The following ADGRV1 variants were observed in gnomAD, a reference collection of about 807,000 sequenced individuals.
ADGRV1 encodes G-protein coupled receptor 98.
A neutral mutation model predicts 596.2 loss-of-function variants in ADGRV1; 359 were observed. The observed-to-expected ratio is 0.60, with a 90% CI of 0.55 to 0.66. ADGRV1 has a LOEUF of 0.66. ADGRV1 is among the 30% of genes least tolerant of loss of function. The pLI is 0.00. For synonymous variants in ADGRV1, 2,681 were observed against 2,679.2 expected (o/e 1.00, Z -0.02); for missense variants, 7,274 against 7,575.6 (o/e 0.96, Z 1.48).
chr5:90,857,252 A>G (rs1767107502), intron 82 of ADGRV1, among the ~76,000 whole-genome samples: 2 of 152,134 alleles, frequency 1.3e-5, no homozygotes, highest in Non-Finnish European at 2.9e-5. Flanking sequence ...AAGAAATTTT[A>G]TAGAATGATG....
chr5:90,675,996 T>A (rs1773209960), intron 24 of ADGRV1, 84 bp from the exon 25 acceptor site: 4 of 1,118,668 alleles, frequency 3.6e-6, no homozygotes, highest in Non-Finnish European at 5.0e-6. Context: ...ACATTCTGAT[T>A]TTACAAATTT....
chr5:90,803,915 C>T (rs192942746), intron 71 of ADGRV1, among the ~76,000 whole-genome samples: 14 of 152,228 alleles, frequency 9.2e-5, no homozygotes, highest in Admixed American at 8.5e-4. Flanking sequence ...TACTGTATCA[C>T]CCCAAAGGGC....
At chr5:90,811,470 GT>G in intron 74 of ADGRV1, 132 bp downstream of exon 74, 1 of 846,226 alleles carries the variant, frequency 1.2e-6, no homozygotes, top group South Asian at 2.0e-5. Flanking sequence ...TTAAAGTGTT[GT>G]TTTTCTGTAG....
chr5:90,575,751 C>T (rs1168082933), intron 1 of ADGRV1, among the ~76,000 whole-genome samples: 2 of 152,236 alleles, frequency 1.3e-5, no homozygotes, highest in East Asian at 1.9e-4. Context: ...GGAAACTGTT[C>T]GGATTATTCC....
intron 1 of ADGRV1, among the ~76,000 whole-genome samples, chr5:90,607,398 C>A (rs1046016485): frequency 6.6e-6 from 1 of 152,036 alleles, no homozygotes; most frequent in Admixed American, 6.6e-5. Flanking sequence ...CCCCTGCTTA[C>A]CCCTCCAAAT....
At chr5:90,575,315 A>G (rs1044770463) in intron 1 of ADGRV1, among the ~76,000 whole-genome samples, 1 of 151,990 alleles carries the variant, frequency 6.6e-6, no homozygotes, top group Non-Finnish European at 1.5e-5. Context: ...GTGCAGTGGC[A>G]TGATCACAGC....
At chr5:90,861,966 G>T (rs564354338) in intron 82 of ADGRV1, among the ~76,000 whole-genome samples, 1 of 152,036 alleles carries the variant, frequency 6.6e-6, no homozygotes, top group Non-Finnish European at 1.5e-5. Context: ...ACTATGATGC[G>T]TTATAGTTAT....
At chr5:90,783,382 T>C in intron 66 of ADGRV1, 57 bp downstream of exon 66, 1 of 1,159,252 alleles carries the variant, frequency 8.6e-7, no homozygotes, top group South Asian at 1.3e-5. Flanking sequence ...GTGTTCAAAC[T>C]CTTACATATG....
rs969288863 is a variant in ADGRV1, at chr5:90,907,382, G to T, written c.17856+43525G>T. On this transcript the variant is annotated intron_variant, in intron 83 of 89. Coordinates refer to ENST00000405460, the MANE Select transcript of ADGRV1 (RefSeq NM_032119.4). Reference sequence around the variant, plus strand: ...TGTCCAGCAAACCAGATAAAAATCTGCTAATTTGCTACTTAAAAATTGGCA... The same window carrying T: ...TGTCCAGCAAACCAGATAAAAATCTTCTAATTTGCTACTTAAAAATTGGCA... 2.0e-5 allele frequency among the ~76,000 whole-genome samples: 3 copies of T among 152,050 alleles called. No homozygotes were observed. In the South Asian group the frequency reaches 6.2e-4, roughly 32 times the overall value.
At chr5:91,072,341 C>A in intron 85 of ADGRV1, 106 bp from the exon 86 acceptor site, 2 of 996,040 alleles carry the variant, frequency 2.0e-6, no homozygotes, top group Non-Finnish European at 3.1e-6. Flanking sequence ...ATGTTGCCAG[C>A]ATCTGGATAC....
intron 82 of ADGRV1, among the ~76,000 whole-genome samples, chr5:90,859,156 G>A (rs1767307108): frequency 6.6e-6 from 1 of 152,084 alleles, no homozygotes; most frequent in African/African-American, 2.4e-5. Flanking sequence ...TGAGGCAAGT[G>A]GGCGCAGGAG....
chr5:91,149,360 T>A (rs1462387515), intron 87 of ADGRV1, among the ~76,000 whole-genome samples: 1 of 152,184 alleles, frequency 6.6e-6, no homozygotes, highest in Non-Finnish European at 1.5e-5. Context: ...GTTCTCATGA[T>A]AATTAGTGAG....
In ADGRV1 at chr5:90,897,911, T is replaced by C. The variant is rs143575358; in HGVS notation, c.17856+34054T>C. Reference sequence around the variant, plus strand: ...ATAACAGTAGCAGATGGATGAGGTTTAGAGGGTGTTGTGCCCTGTCACCAG... The same window carrying C: ...ATAACAGTAGCAGATGGATGAGGTTCAGAGGGTGTTGTGCCCTGTCACCAG... On this transcript the variant is annotated intron_variant, in intron 83 of 89. Coordinates refer to ENST00000405460, the MANE Select transcript of ADGRV1 (RefSeq NM_032119.4). 9.3e-4 allele frequency among the ~76,000 whole-genome samples: 141 copies of C among 152,324 alleles called. 1 individual carries two copies. Among genetic ancestry groups the C allele is most frequent in the Admixed American group, 2.0e-3 (31 of 15,298 alleles).
intron 10 of ADGRV1, 55 bp downstream of exon 10, chr5:90,635,345 A>G: frequency 7.0e-7 from 1 of 1,428,632 alleles, no homozygotes; most frequent in Non-Finnish European, 9.5e-7. Context: ...TAATGTACAG[A>G]CACTATTTTT....
intron 75 of ADGRV1, 45 bp from the exon 76 acceptor site, chr5:90,823,380 G>A (rs751581505): frequency 1.9e-6 from 3 of 1,585,038 alleles, no homozygotes; most frequent in Admixed American, 1.7e-5. Context: ...TTAGACATGG[G>A]GATGACACCC....
In ADGRV1 at chr5:91,072,544, C is replaced by G. The variant is rs1442235176; in HGVS notation, c.18250C>G (p.Gln6084Glu). ...VVFVVFIHAY[Q>E]VKPQWKAYDD... ...GTTCGTGGTGTTCATCCATGCCTACCAGGTGAAGCCACAGTGGAAAGCATA... is the reference window on the plus strand; with the variant it reads ...GTTCGTGGTGTTCATCCATGCCTACGAGGTGAAGCCACAGTGGAAAGCATA... Residue 6084 changes from glutamine to glutamate, a missense_variant, in exon 86 of 90, where the codon CAG (glutamine) becomes GAG (glutamate). Gln to Glu is a conservative substitution (Grantham distance 29). Transcript: ENST00000405460. The G allele has an allele frequency of 6.2e-7, 1 of 1,613,852 alleles. No individual in the cohort carries two copies. Among genetic ancestry groups the G allele is most frequent in the Admixed American group, 1.7e-5 (1 of 60,018 alleles).
chr5:90,822,711 A>G (rs984262556), intron 75 of ADGRV1, among the ~76,000 whole-genome samples: 6 of 152,166 alleles, frequency 3.9e-5, no homozygotes, highest in African/African-American at 1.4e-4. Context: ...TCTATAAATT[A>G]CCTTAAGCAG....
chr5:90,627,074 C>G, intron 6 of ADGRV1, 137 bp from the exon 7 acceptor site: 1 of 512,000 alleles, frequency 2.0e-6, no homozygotes, highest in Middle Eastern at 5.1e-4. Flanking sequence ...CTAAACAAGC[C>G]TTTCTATTTG....
chr5:90,896,267 G>GTTTTT lies in ADGRV1; in HGVS notation c.17856+32427_17856+32431dup, dbSNP rs547252109. Among the ~76,000 whole-genome samples, 98 of 84,870 alleles carry GTTTTT rather than the reference G, an allele frequency of 1.2e-3. 3 individuals carry two copies. The highest frequency in any genetic ancestry group is 1.4e-3 in the Admixed American group (8 of 5,790). 55.7% of individuals were successfully genotyped at this position (84,870 alleles called of 152,430 possible). On this transcript the variant is annotated intron_variant, in intron 83 of 89. Transcript: ENST00000405460. Reference sequence around the variant, plus strand: ...AAATCTGATATTACGGTGACCAGTGGTTTTTTTTTTTTTTTTTTTTTGAGA... The same window carrying GTTTTT: ...AAATCTGATATTACGGTGACCAGTGGTTTTTTTTTTTTTTTTTTTTTTTTTTGAGA...
Sources: gnomAD v4.1 joint callset for allele counts (sites outside exome capture counted in the v4.1 genomes callset) on GRCh38, gnomAD v4.1.1 for gene constraint, MANE v1.5 for transcripts, NCBI Gene and HGNC (gene_info 2026-07-23, HGNC 2026-07-21) for gene names.